The following FAM168A variants were observed in gnomAD, a reference collection of about 807,000 sequenced individuals.
FAM168A encodes the protein protein FAM168A.
A neutral mutation model predicts 28.5 loss-of-function variants in FAM168A; 3 were observed. The observed-to-expected ratio is 0.11, with a 90% CI of 0.05 to 0.27. FAM168A has a LOEUF of 0.27. FAM168A is among the 10% of genes least tolerant of loss of function. FAM168A has a pLI of 1.00. For missense variants in FAM168A, 222 were observed against 311.5 expected, an observed-to-expected ratio of 0.71 and a Z score of 2.16; for synonymous variants, 122 against 124.2, an observed-to-expected ratio of 0.98 and a Z score of 0.12.
At chr11:73,413,163 C>A (rs10898919) in intron 4 of FAM168A, among the ~76,000 whole-genome samples, 7,541 of 152,202 alleles carry the variant, frequency 0.05, 580 homozygotes, top group African/African-American at 0.17. Context: ...TGGCTTAGCA[C>A]CCCCCTGCCC....
intron 1 of FAM168A, among the ~76,000 whole-genome samples, chr11:73,488,821 T>C (rs1257381610): frequency 6.6e-6 from 1 of 152,192 alleles, no homozygotes; most frequent in Non-Finnish European, 1.5e-5. Flanking sequence ...TTGTCTCACA[T>C]AAAATAAATA....
At chr11:73,490,323 T>C (rs1037508555) in intron 1 of FAM168A, among the ~76,000 whole-genome samples, 9 of 152,206 alleles carry the variant, frequency 5.9e-5, no homozygotes, top group Non-Finnish European at 1.3e-4. Context: ...CTCCTTCTTT[T>C]GTCTATTCTC....
At chr11:73,465,994 C>T (rs1039215585) in intron 2 of FAM168A, among the ~76,000 whole-genome samples, 8 of 151,650 alleles carry the variant, frequency 5.3e-5, no homozygotes, top group Non-Finnish European at 8.8e-5. Flanking sequence ...AGAAAGAACA[C>T]TGTCAATTGG....
At chr11:73,516,140 C>T (rs1312693815) in intron 1 of FAM168A, among the ~76,000 whole-genome samples, 1 of 149,476 alleles carries the variant, frequency 6.7e-6, no homozygotes, top group Non-Finnish European at 1.5e-5. Flanking sequence ...TCTTAGAAAA[C>T]TCCTCAAAGG....
intron 3 of FAM168A, among the ~76,000 whole-genome samples, chr11:73,427,000 A>AT (rs960480423): frequency 5.3e-5 from 8 of 151,378 alleles, no homozygotes; most frequent in African/African-American, 1.5e-4. Flanking sequence ...TTATTTATTT[A>AT]TTTTTTTTGA....
intron 2 of FAM168A, among the ~76,000 whole-genome samples, chr11:73,436,376 C>T (rs1474204606): frequency 6.6e-6 from 1 of 152,076 alleles, no homozygotes; most frequent in Non-Finnish European, 1.5e-5. Flanking sequence ...AGACAAACTC[C>T]CTGGCTCAGA....
intron 4 of FAM168A, among the ~76,000 whole-genome samples, chr11:73,411,861 G>A (rs936009443): frequency 6.6e-6 from 1 of 152,182 alleles, no homozygotes; most frequent in African/African-American, 2.4e-5. Flanking sequence ...CTGTCTGTGT[G>A]AAATGGGCAG....
chr11:73,413,937 G>C (rs1866658035), intron 4 of FAM168A, among the ~76,000 whole-genome samples: 1 of 152,074 alleles, frequency 6.6e-6, no homozygotes, highest in South Asian at 2.1e-4. Flanking sequence ...ATGGTGGCTG[G>C]TGTAGTCCCC....
At chr11:73,407,386 A>C in intron 7 of FAM168A, 127 bp downstream of exon 7, 1 of 553,514 alleles carries the variant, frequency 1.8e-6, no homozygotes, top group East Asian at 3.4e-5. Context: ...GGAGCAGGAA[A>C]GCAACTGGTA....
At chr11:73,507,252 T>C (rs754466988) in intron 1 of FAM168A, among the ~76,000 whole-genome samples, 2 of 152,238 alleles carry the variant, frequency 1.3e-5, no homozygotes, top group Non-Finnish European at 2.9e-5. Flanking sequence ...CCCAACATCT[T>C]ATTTTTCTTT....
At chr11:73,539,105 C>T (rs1406747219) in intron 1 of FAM168A, among the ~76,000 whole-genome samples, 2 of 152,182 alleles carry the variant, frequency 1.3e-5, no homozygotes, top group African/African-American at 2.4e-5. Context: ...GCATTTCAAT[C>T]TGCTATGCAA....
chr11:73,440,841 A>C (rs1222184480), intron 2 of FAM168A, among the ~76,000 whole-genome samples: 1 of 152,194 alleles, frequency 6.6e-6, no homozygotes, highest in East Asian at 1.9e-4. Context: ...GAGAAATAAA[A>C]GACATTTGTA....
intron 1 of FAM168A, among the ~76,000 whole-genome samples, chr11:73,495,245 C>A (rs537110914): frequency 4.6e-5 from 7 of 151,994 alleles, no homozygotes; most frequent in Non-Finnish European, 1.0e-4. Flanking sequence ...AGGAGAATGG[C>A]GTGAACCCAG....
At chr11:73,513,086 A>T (rs978156505) in intron 1 of FAM168A, among the ~76,000 whole-genome samples, 1 of 151,710 alleles carries the variant, frequency 6.6e-6, no homozygotes, top group African/African-American at 2.4e-5. Flanking sequence ...GCTCCTCAAC[A>T]GTTTCCAGTT....
At chr11:73,481,180 C>T (rs937360571) in intron 1 of FAM168A, among the ~76,000 whole-genome samples, 6 of 152,090 alleles carry the variant, frequency 3.9e-5, no homozygotes, top group Non-Finnish European at 7.4e-5. Flanking sequence ...CAGCCTCCCA[C>T]GTAGCTGGGA....
At chr11:73,438,864 A>G (rs1178171775) in intron 2 of FAM168A, among the ~76,000 whole-genome samples, 2 of 151,984 alleles carry the variant, frequency 1.3e-5, no homozygotes, top group Non-Finnish European at 2.9e-5. Flanking sequence ...TGAGCACAAA[A>G]CCCCATTTTA....
intron 1 of FAM168A, among the ~76,000 whole-genome samples, chr11:73,544,728 GTAATTATATATAATTATATA>G (rs1196237380): frequency 9.8e-6 from 1 of 101,670 alleles, no homozygotes; most frequent in Non-Finnish European, 1.7e-5. Context: ...TATTTTATAT[GTAATTATATATAATTATATA>G]TTTTATATGT....
At chr11:73,579,707 T>G (rs750265325) in intron 1 of FAM168A, among the ~76,000 whole-genome samples, 1 of 152,238 alleles carries the variant, frequency 6.6e-6, no homozygotes, top group Non-Finnish European at 1.5e-5. Flanking sequence ...TTATTCCTAA[T>G]TCACAGTCTA....
At chr11:73,562,047 A>G (rs1943965044) in intron 1 of FAM168A, among the ~76,000 whole-genome samples, 1 of 152,110 alleles carries the variant, frequency 6.6e-6, no homozygotes, top group Non-Finnish European at 1.5e-5. Context: ...GGTTCAAGCA[A>G]TTCTCCTGCC....
Sources: allele counts gnomAD v4.1 joint callset (sites outside exome capture counted in the v4.1 genomes callset), GRCh38; gene constraint gnomAD v4.1.1; transcripts MANE v1.5; gene names NCBI Gene and HGNC (gene_info 2026-07-23, HGNC 2026-07-21).